The following KRT31 variants were observed in gnomAD, a reference collection of about 807,000 sequenced individuals.
KRT31 encodes the protein keratin, type I cuticular Ha1.
Under a neutral mutation model 40.8 loss-of-function variants are expected in KRT31, and 27 were observed. That is an observed-to-expected ratio of 0.66 (90% confidence interval 0.49 to 0.91). The LOEUF (loss-of-function observed/expected upper bound fraction) is 0.91. KRT31 is among the 40% of genes least tolerant of loss of function. The pLI is 0.00. For synonymous variants in KRT31, 231 were observed against 231.9 expected (o/e 1.00, Z 0.03); for missense variants, 510 against 544.1 (o/e 0.94, Z 0.62).
rs201448571 is a variant in KRT31, at chr17:41,396,429, G to C, written c.579C>G (p.Asn193Lys). Residue 193 changes from asparagine (N) to lysine (K), a missense_variant, in exon 3 of 7, where the codon AAC (asparagine) becomes AAG (lysine). Transcript: ENST00000251645. ...TCATTTCTAGTCTCACCTGCTCATG[G>C]TTGCTCTTGAGGCAGAGCAGCTCCT... ...LKEELLCLKS[N>K]HEQEVNTLRC... The C allele has an allele frequency of 6.2e-7, 1 of 1,613,906 alleles. No individual in the cohort carries two copies. The highest frequency in any genetic ancestry group is 8.5e-7 in the Non-Finnish European group (1 of 1,179,888).
rs767995536 is a variant in KRT31, at chr17:41,396,554, G to C, written c.454C>G (p.Arg152Gly). Residue 152 changes from arginine to glycine, a missense_variant, in exon 3 of 7, where the codon CGG (arginine) becomes GGG (glycine). Physicochemically the swap from Arg to Gly is moderately radical, Grantham distance 125. Coordinates refer to ENST00000251645, the MANE Select transcript of KRT31 (RefSeq NM_002277.3). Reference protein sequence around the residue: ...RTKYQTELSLRQLVESDINGL... With the variant: ...RTKYQTELSLGQLVESDINGL... ...TTGATGTCCGACTCCACCAGCTGCC[G>C]CAGGGACAGCTCGGTCTGGTACCTG... 6.2e-7 allele frequency: 1 copy of C among 1,614,074 alleles called. No individual in the cohort carries two copies. The highest frequency in any genetic ancestry group is 1.1e-5 in the South Asian group (1 of 91,060).
In KRT31 at chr17:41,397,186, G is replaced by T; in HGVS notation, c.348+6C>A. The T allele has an allele frequency of 3.1e-6, 5 of 1,612,698 alleles. No homozygotes were observed. The highest frequency in any genetic ancestry group is 4.2e-6 in the Non-Finnish European group (5 of 1,178,846). ...CTTGCTTGGAGATGACAGCAATGCCGCTCACCTTCTGCTGGAGCTCCTCAA... is the reference window on the plus strand; with the variant it reads ...CTTGCTTGGAGATGACAGCAATGCCTCTCACCTTCTGCTGGAGCTCCTCAA... On this transcript the variant is annotated splice_donor_region_variant and intron_variant, in intron 1 of 6. Transcript: ENST00000251645.
Position 41,397,597 on chromosome 17 carries a change from C to T in KRT31, c.-58G>A. ...GAAGACAGAGTCTAAATTCTCCAAG[C>T]CACAGAGCTGTGGGTCTCCTTCCTC... On this transcript the variant is annotated 5_prime_UTR_variant, in exon 1 of 7. Transcript: ENST00000251645. 1 of 1,530,312 alleles carries T rather than the reference C, an allele frequency of 6.5e-7. No homozygotes were observed. The highest frequency in any genetic ancestry group is 8.8e-7 in the Non-Finnish European group (1 of 1,136,402). The allele number at this position is 1,530,312 out of a possible 1,614,324, so 94.8% of individuals were successfully genotyped here. A position where few individuals can be genotyped will look rare whatever the true frequency, so the allele number is the denominator to read the frequency against.
At chr17:41,395,395 A>C (rs764163832) in intron 4 of KRT31, 25 bp from the exon 5 acceptor site, 121 of 1,613,996 alleles carry the variant, frequency 7.5e-5, no homozygotes, top group Non-Finnish European at 9.8e-5. Flanking sequence ...GGGAGAAAGG[A>C]TCAGACCCTG....
chr17:41,397,010 G>A lies in KRT31; in HGVS notation c.349-15C>T. On this transcript the variant is annotated splice_polypyrimidine_tract_variant and intron_variant, in intron 1 of 6. Transcript: ENST00000251645. ...GTACACAGGATCTGGGGAGTGAGAGGTGGCTTAGTGAGGACTGAAAATAAA... is the reference window on the plus strand; with the variant it reads ...GTACACAGGATCTGGGGAGTGAGAGATGGCTTAGTGAGGACTGAAAATAAA... 1 of 1,608,068 alleles carries A rather than the reference G, an allele frequency of 6.2e-7. No homozygotes were observed. Among genetic ancestry groups the A allele is most frequent in the Non-Finnish European group, 8.5e-7 (1 of 1,174,750 alleles).
chr17:41,396,272 C>A lies in KRT31; in HGVS notation c.588+148G>T, dbSNP rs80353710. 5 of 692,978 alleles carry A rather than the reference C, an allele frequency of 7.2e-6. No homozygotes were observed. The African/African-American group carries it at 9.0e-5, about 12-fold the overall frequency. The allele number at this position is 692,978 out of a possible 1,614,324, so 42.9% of individuals were successfully genotyped here. ...GTCTGGGAACATGAACAGGTCTTAT[C>A]TCTCTCCAATTTTTCTCTTACCGTG... is the stretch of plus-strand genomic sequence containing the variant. On this transcript the variant is annotated intron_variant, in intron 3 of 6. Coordinates refer to ENST00000251645, the MANE Select transcript of KRT31 (RefSeq NM_002277.3).
Position 41,393,836 on chromosome 17 carries a change from G to T in KRT31, c.*180C>A. Reference sequence around the variant, plus strand: ...CAGACCCCCAGGAAGGAAAGGGTGAGCAGGACAGTCTGGAGTAGTTGGGGA... The same window carrying T: ...CAGACCCCCAGGAAGGAAAGGGTGATCAGGACAGTCTGGAGTAGTTGGGGA... On this transcript the variant is annotated 3_prime_UTR_variant, in exon 7 of 7. Transcript: ENST00000251645. 1.7e-6 allele frequency: 1 copy of T among 604,968 alleles called. No homozygotes were observed. The highest frequency in any genetic ancestry group is 2.8e-6 in the Non-Finnish European group (1 of 359,644). 37.5% of individuals were successfully genotyped at this position (604,968 alleles called of 1,614,324 possible). A position where few individuals can be genotyped will look rare whatever the true frequency, so the allele number is the denominator to read the frequency against.
In KRT31 at chr17:41,395,596, CA is replaced by C. The variant is rs1462144949; in HGVS notation, c.615del (p.Gly206GlufsTer16). ...TCCACCTCCACATTGAGGCGGTCTCCAAGCTGGCAGCGCAGGGTATTGACCT... is the reference window on the plus strand; with the variant it reads ...TCCACCTCCACATTGAGGCGGTCTCCAGCTGGCAGCGCAGGGTATTGACCT... ...EQEVNTLRCQ[L>X]GDRLNVEVDA... On this transcript the variant is annotated frameshift_variant, in exon 4 of 7. Transcript: ENST00000251645. LOFTEE classifies it high-confidence loss of function. 2 of 1,614,070 alleles carry C rather than the reference CA, an allele frequency of 1.2e-6. No individual in the cohort carries two copies. The highest frequency in any genetic ancestry group is 1.7e-6 in the Non-Finnish European group (2 of 1,180,016).
In KRT31 at chr17:41,395,258, G is replaced by A. The variant is rs372823236; in HGVS notation, c.863C>T (p.Ala288Val). The A allele has an allele frequency of 2.2e-5, 36 of 1,612,718 alleles. No individual in the cohort carries two copies. The Middle Eastern group carries it at 8.3e-4, about 37-fold the overall frequency. ...TVNALEIELQAQHNLRDSLEN... is the reference protein window; with the variant it reads ...TVNALEIELQVQHNLRDSLEN... The stretch of plus-strand genomic sequence containing the variant: ...AACAATACACACCAGGTTGTGCTGG[G>A]CCTGCAGCTCGATCTCCAGGGCGTT... The change falls in exon 5 of 7, where the codon GCC becomes GTC. Residue 288 changes from alanine (A) to valine (V), a missense_variant. Coordinates refer to ENST00000251645, the MANE Select transcript of KRT31 (RefSeq NM_002277.3).
At position 41,395,643 on chromosome 17, in the gene KRT31, A is replaced by G. The variant is rs1244149303; in HGVS notation, c.589-20T>C. On this transcript the variant is annotated intron_variant, in intron 3 of 6. Transcript: ENST00000251645. ...GACCTCCTATGGATGCAGAAAATAC[A>G]AGAGTTACTATGCTCAGCAAAGAAT... is the stretch of plus-strand genomic sequence containing the variant. The G allele has an allele frequency of 2.5e-6, 4 of 1,610,364 alleles. No individual in the cohort carries two copies. In the Admixed American group the frequency reaches 5.0e-5, roughly 20 times the overall value.
intron 3 of KRT31, 152 bp from the exon 4 acceptor site, chr17:41,395,775 A>G: frequency 2.2e-6 from 2 of 900,208 alleles, no homozygotes; most frequent in Non-Finnish European, 3.2e-6. Flanking sequence ...TCCATGTGGC[A>G]TAGCCCCCTC....
intron 3 of KRT31, 110 bp from the exon 4 acceptor site, chr17:41,395,733 T>A: frequency 7.6e-7 from 1 of 1,316,582 alleles, no homozygotes; most frequent in African/African-American, 1.5e-5. Context: ...AAAGAAACTT[T>A]GAGTGGAGCA....
Position 41,397,186 on chromosome 17 carries a change from G to C in KRT31, c.348+6C>G. On this transcript the variant is annotated splice_donor_region_variant and intron_variant, in intron 1 of 6. Coordinates refer to ENST00000251645, the MANE Select transcript of KRT31 (RefSeq NM_002277.3). ...CTTGCTTGGAGATGACAGCAATGCC[G>C]CTCACCTTCTGCTGGAGCTCCTCAA... 1 of 1,612,698 alleles carries C rather than the reference G, an allele frequency of 6.2e-7. No individual in the cohort carries two copies. The highest frequency in any genetic ancestry group is 8.5e-7 in the Non-Finnish European group (1 of 1,178,846).
Position 41,394,907 on chromosome 17 carries a change from A to C in KRT31, c.1038T>G (p.Arg346=), listed in dbSNP as rs752841027. Residue 346 remains arginine (R), a synonymous_variant, in exon 6 of 7, where the codon CGT becomes CGG. Coordinates refer to ENST00000251645, the MANE Select transcript of KRT31 (RefSeq NM_002277.3). ...NQEYQVLLDV[R]ARLECEINTY... The stretch of plus-strand genomic sequence containing the variant: ...TGTTGATCTCACACTCCAGCCGGGC[A>C]CGCACATCCAGCAGCACCTGGTACT... 1.2e-5 allele frequency: 19 copies of C among 1,614,086 alleles called. No individual in the cohort carries two copies. Among genetic ancestry groups the C allele is most frequent in the South Asian group, 3.3e-5 (3 of 91,086 alleles).
chr17:41,396,375 C>A, intron 3 of KRT31, 45 bp downstream of exon 3: 1 of 1,588,868 alleles, frequency 6.3e-7, no homozygotes. Flanking sequence ...CAACCCTGAG[C>A]CAGAGGCTGA....
In KRT31 at chr17:41,394,070, G is replaced by A. The variant is rs780139483; in HGVS notation, c.1197C>T (p.Cys399=). 12 of 1,613,622 alleles carry A rather than the reference G, an allele frequency of 7.4e-6. No individual in the cohort carries two copies. Among genetic ancestry groups the A allele is most frequent in the Middle Eastern group, 1.7e-4 (1 of 6,060 alleles). Residue 399 remains cysteine (C), a synonymous_variant, in exon 7 of 7, where the codon TGC becomes TGT. Transcript: ENST00000251645. ...AGCGGGGGCGTGGGGCACAGGGTGT[G>A]CAGGGGGCAGGAGGGACACAAGAGG... is the stretch of plus-strand genomic sequence containing the variant. ...PCTSCVPPAP[C]TPCAPRPRCG...
intron 5 of KRT31, 84 bp downstream of exon 5, chr17:41,395,161 G>A: frequency 6.2e-7 from 1 of 1,610,210 alleles, no homozygotes; most frequent in Admixed American, 1.7e-5. Context: ...CAAGAGCTAA[G>A]GAGAGTGTGT....
rs767995536 is a variant in KRT31 at position 41,396,554 on chromosome 17, G to A, written c.454C>T (p.Arg152Trp). The change falls in exon 3 of 7, where the codon CGG becomes TGG. Residue 152 changes from arginine to tryptophan, a missense_variant. Arg to Trp is a moderately radical substitution (Grantham distance 101, BLOSUM62 -3). Transcript: ENST00000251645. The stretch of plus-strand genomic sequence containing the variant: ...TTGATGTCCGACTCCACCAGCTGCC[G>A]CAGGGACAGCTCGGTCTGGTACCTG... Reference protein sequence around the residue: ...RTKYQTELSLRQLVESDINGL... With the variant: ...RTKYQTELSLWQLVESDINGL... 14 of 1,613,956 alleles carry A rather than the reference G, an allele frequency of 8.7e-6. No individual in the cohort carries two copies. The highest frequency in any genetic ancestry group is 1.1e-5 in the Non-Finnish European group (13 of 1,179,990).
chr17:41,395,903 G>A (rs113392675), intron 3 of KRT31, among the ~76,000 whole-genome samples: 87 of 152,244 alleles, frequency 5.7e-4, no homozygotes, highest in Non-Finnish European at 1.1e-3. Flanking sequence ...AATTGGCTGT[G>A]AGGACCTCAG....
Sources: allele counts gnomAD v4.1 joint callset (sites outside exome capture counted in the v4.1 genomes callset), GRCh38; gene constraint gnomAD v4.1.1; transcripts MANE v1.5; gene names NCBI Gene and HGNC (gene_info 2026-07-23, HGNC 2026-07-21).